ZFYVE27: variants seen among roughly 807,000 people sequenced by gnomAD.
ZFYVE27 encodes protrudin.
In ZFYVE27, 36 loss-of-function variants were observed where a neutral mutation model predicts 52.8. The observed-to-expected ratio is 0.68, with a 90% CI of 0.52 to 0.90. ZFYVE27 has a LOEUF of 0.90. Among genes scored for constraint, ZFYVE27 ranks in the 40% least tolerant of loss-of-function variants. The probability of loss-of-function intolerance (pLI) is 0.00; values close to 1 mark genes in which losing one functional copy is unlikely to be tolerated. For missense variants in ZFYVE27, 450 were observed against 527.2 expected (o/e 0.85, Z 1.43); for synonymous variants, 223 against 215.6 (o/e 1.03, Z -0.30).
chr10:97,754,832 G>A, intron 10 of ZFYVE27: 1 of 1,288,452 alleles, frequency 7.8e-7, no homozygotes, highest in Admixed American at 2.3e-5. Flanking sequence ...CAAATAATTT[G>A]TCTATTTCTA....
chr10:97,755,538 G>A (rs1404223729), intron 10 of ZFYVE27, among the ~76,000 whole-genome samples: 1 of 152,120 alleles, frequency 6.6e-6, no homozygotes, highest in African/African-American at 2.4e-5. Context: ...AGTTCTCTGG[G>A]GCCTCTTTTA....
intron 4 of ZFYVE27, among the ~76,000 whole-genome samples, chr10:97,745,749 TC>T (rs2045134278): frequency 6.6e-6 from 1 of 152,302 alleles, no homozygotes; most frequent in Admixed American, 6.5e-5. Flanking sequence ...TGGAGAAACT[TC>T]GTAAACATGA....
intron 8 of ZFYVE27, 48 bp from the exon 9 acceptor site, chr10:97,752,809 T>C (rs1228593960): frequency 2.5e-6 from 4 of 1,609,432 alleles, no homozygotes; most frequent in Non-Finnish European, 3.4e-6. Flanking sequence ...CTTCTTGCTA[T>C]CTTTTTCTTT....
intron 10 of ZFYVE27, chr10:97,754,945 C>A: frequency 1.8e-6 from 1 of 548,640 alleles, no homozygotes; most frequent in Non-Finnish European, 2.3e-6. Flanking sequence ...AATGGTGGAG[C>A]TGTGACTCAA....
rs372715032 is a variant in ZFYVE27 at position 97,751,374 on chromosome 10, A to G, written c.805-17A>G. 27 of 1,613,228 alleles carry G rather than the reference A, an allele frequency of 1.7e-5. No individual in the cohort carries two copies. Among genetic ancestry groups the G allele is most frequent in the Non-Finnish European group, 2.2e-5 (26 of 1,179,482 alleles). ...GCTGCCATCCTTCTCCTTCTGTCAT[A>G]GAGTCTCTCTTCCCAGGACCTCACA... On this transcript the variant is annotated splice_polypyrimidine_tract_variant and intron_variant, in intron 7 of 12. Transcript: ENST00000684270.
Position 97,749,365 on chromosome 10 carries a change from A to T in ZFYVE27, c.552-109A>T, listed in dbSNP as rs2046318828. On this transcript the variant is annotated intron_variant, in intron 5 of 12. Transcript: ENST00000684270. ...GATGAGCGGCTCTTGTCAGTTTATT[A>T]ATGTGCCCAGAGCTGTGTCTCACCT... 6.1e-6 allele frequency: 5 copies of T among 821,744 alleles called. No individual in the cohort carries two copies. In the Admixed American group the frequency reaches 9.0e-5, roughly 15 times the overall value. 50.9% of individuals were successfully genotyped at this position (821,744 alleles called of 1,614,324 possible). A position where few individuals can be genotyped will look rare whatever the true frequency, so the allele number is the denominator to read the frequency against.
At chr10:97,750,567 T>C (rs1427192365) in intron 7 of ZFYVE27, 97 bp downstream of exon 7, 1 of 1,530,138 alleles carries the variant, frequency 6.5e-7, no homozygotes, top group African/African-American at 1.4e-5. Flanking sequence ...CTGTTGTAGT[T>C]CCTGCTATTT....
rs769534749 is a variant in ZFYVE27, at chr10:97,757,694, A to G, written c.1142A>G (p.Lys381Arg). Residue 381 changes from lysine (K) to arginine (R), a missense_variant, in exon 12 of 13, where the codon AAG becomes AGG. By Grantham distance (26) the Lys-to-Arg change is conservative. Transcript: ENST00000684270. ...NSFCSRCCSFKVPKSSMGATA... is the reference protein window; with the variant it reads ...NSFCSRCCSFRVPKSSMGATA... The stretch of plus-strand genomic sequence containing the variant: ...TTCTGCTCTCGATGCTGCTCCTTCA[A>G]GGTGCCCAAGTCCTCCATGGGGGCC... The G allele has an allele frequency of 3.7e-5, 59 of 1,614,078 alleles. No homozygotes were observed. In the South Asian group the frequency reaches 5.4e-4, roughly 15 times the overall value.
intron 10 of ZFYVE27, among the ~76,000 whole-genome samples, chr10:97,755,775 C>T (rs2048194218): frequency 1.3e-5 from 2 of 152,146 alleles, no homozygotes; most frequent in South Asian, 4.1e-4. Flanking sequence ...GTGGGGAGGG[C>T]CCCCCTTTGT....
rs3750611 is a variant in ZFYVE27, at chr10:97,760,283, A to G, written c.*983A>G. 1.1e-3 allele frequency: 162 copies of G among 152,142 alleles called. No individual in the cohort carries two copies. The highest frequency in any genetic ancestry group is 3.4e-3 in the African/African-American group (141 of 41,498). 9.4% of individuals were successfully genotyped at this position (152,142 alleles called of 1,614,324 possible). On this transcript the variant is annotated 3_prime_UTR_variant, in exon 13 of 13. Coordinates refer to ENST00000684270, the MANE Select transcript of ZFYVE27 (RefSeq NM_001385875.1). ...GGGCTGGGTCCTGGATTCCAGGGCT[A>G]TTCCCTGGAGGACAGTCTCAGTTAT...
At chr10:97,750,195 G>A (rs1482811509) in intron 6 of ZFYVE27, 136 bp from the exon 7 acceptor site, 22 of 1,100,586 alleles carry the variant, frequency 2.0e-5, no homozygotes, top group South Asian at 1.6e-4. Flanking sequence ...TAGGTGACTC[G>A]CTCAGAGTTA....
chr10:97,751,070 C>T (rs562477099), intron 7 of ZFYVE27, among the ~76,000 whole-genome samples: 2 of 152,154 alleles, frequency 1.3e-5, no homozygotes, highest in African/African-American at 4.8e-5. Context: ...AGATCATTCT[C>T]ATTTGTGGAA....
At position 97,750,352 on chromosome 10, in the gene ZFYVE27, C is replaced by G. The variant is rs1437013930; in HGVS notation, c.686C>G (p.Ser229Cys). ...FFRVVSEYRASLQQRMNPKQE... is the reference protein window; with the variant it reads ...FFRVVSEYRACLQQRMNPKQE... Reference sequence around the variant, plus strand: ...GTAGTTGTGTCTGAGTACAGGGCATCTCTGCAGCAGAGGATGAACCCAAAG... The same window carrying G: ...GTAGTTGTGTCTGAGTACAGGGCATGTCTGCAGCAGAGGATGAACCCAAAG... The change falls in exon 7 of 13, where the codon TCT becomes TGT. Residue 229 changes from serine to cysteine, a missense_variant. Transcript: ENST00000684270. 6.8e-6 allele frequency: 11 copies of G among 1,614,162 alleles called. No individual in the cohort carries two copies. Among genetic ancestry groups the G allele is most frequent in the African/African-American group, 1.3e-5 (1 of 75,046 alleles).
In ZFYVE27 at chr10:97,753,058, G is replaced by T. The variant is rs199504670; in HGVS notation, c.918G>T (p.Pro306=). ...CACAGGAGGATGATGAGGGCGCCCC[G>T]TGCCCAGCAGAGGATGAGCTGGCCC... ...LVVLEDDEGA[P]CPAEDELALQ... The change falls in exon 10 of 13, where the codon CCG becomes CCT. Residue 306 remains proline, a synonymous_variant. Coordinates refer to ENST00000684270, the MANE Select transcript of ZFYVE27 (RefSeq NM_001385875.1). The T allele has an allele frequency of 2.2e-5, 35 of 1,611,908 alleles. No individual in the cohort carries two copies. In the East Asian group the frequency reaches 6.9e-4, roughly 32 times the overall value.
chr10:97,747,726 A>G (rs1246814160), intron 4 of ZFYVE27, among the ~76,000 whole-genome samples: 1 of 151,970 alleles, frequency 6.6e-6, no homozygotes, highest in Admixed American at 6.6e-5. Context: ...TTCATCTTAT[A>G]CTTCCCTGCC....
At chr10:97,752,596 T>C (rs994265772) in intron 8 of ZFYVE27, among the ~76,000 whole-genome samples, 1 of 152,218 alleles carries the variant, frequency 6.6e-6, no homozygotes, top group Admixed American at 6.5e-5. Context: ...TCTTTCCTTT[T>C]CTGTTCTATT....
intron 12 of ZFYVE27, 27 bp from the exon 13 acceptor site, chr10:97,759,209 T>G (rs1349768325): frequency 6.2e-7 from 1 of 1,613,914 alleles, no homozygotes; most frequent in East Asian, 2.2e-5. Flanking sequence ...CAAGGAAATG[T>G]CTCACCAAGT....
At chr10:97,749,738 A>C (rs548758356) in intron 6 of ZFYVE27, 152 bp downstream of exon 6, 2 of 694,592 alleles carry the variant, frequency 2.9e-6, no homozygotes, top group Admixed American at 2.2e-5. Context: ...TGGGCTCTGC[A>C]TCTCTGAGAT....
chr10:97,748,706 G>C (rs1050743784), intron 5 of ZFYVE27, among the ~76,000 whole-genome samples: 2 of 151,774 alleles, frequency 1.3e-5, no homozygotes, highest in African/African-American at 4.8e-5. Flanking sequence ...TTTTTCTTTT[G>C]TTTTCCACTT....
Sources: gnomAD v4.1 joint callset for allele counts (sites outside exome capture counted in the v4.1 genomes callset) on GRCh38, gnomAD v4.1.1 for gene constraint, MANE v1.5 for transcripts, NCBI Gene and HGNC (gene_info 2026-07-23, HGNC 2026-07-21) for gene names.